ERF: variants seen among roughly 807,000 people sequenced by gnomAD.
The protein encoded by ERF is ETS domain-containing transcription factor ERF.
In ERF, 10 loss-of-function variants were observed where a neutral mutation model predicts 41.6. That is an observed-to-expected ratio of 0.24 (90% CI 0.15 to 0.41). The LOEUF is 0.41. Ranked by LOEUF, ERF falls within the 10% of genes least tolerant of loss-of-function variation. The pLI is 1.00. For missense variants in ERF, 621 were observed against 763.2 expected, an observed-to-expected ratio of 0.81 and a Z score of 2.19; for synonymous variants, 395 against 342.4, an observed-to-expected ratio of 1.15 and a Z score of -1.70.
chr19:42,249,266 C>T lies in ERF; in HGVS notation c.846G>A (p.Thr282=), dbSNP rs763135472. The change falls in exon 4 of 4, where the codon ACG becomes ACA. Residue 282 remains threonine (T), a synonymous_variant. Coordinates refer to ENST00000222329, the MANE Select transcript of ERF (RefSeq NM_006494.4). This position sits in a 1 kb window ranked among gnomAD's most constrained non-coding sequence, Gnocchi z 8.6. The part of the protein sequence containing the change: ...PTHLAYTPSP[T]LSPMYPSGGG... Reference sequence around the variant, plus strand: ...CACCACTGGGGTACATCGGGCTCAGCGTGGGCGAGGGAGTGTAGGCCAGGT... The same window carrying T: ...CACCACTGGGGTACATCGGGCTCAGTGTGGGCGAGGGAGTGTAGGCCAGGT... The T allele has an allele frequency of 1.6e-5, 26 of 1,609,596 alleles. No homozygotes were observed. Among genetic ancestry groups the T allele is most frequent in the East Asian group, 2.2e-5 (1 of 44,748 alleles).
chr19:42,254,627 G>C, intron 1 of ERF: 2 of 200,650 alleles, frequency 1.0e-5, no homozygotes, highest in Non-Finnish European at 2.0e-5. Flanking sequence ...GAGCCCCCCC[G>C]CCCCGCACAC....
At position 42,249,113 on chromosome 19, in the gene ERF, G is replaced by A; in HGVS notation, c.999C>T (p.His333=). Residue 333 remains histidine, a synonymous_variant, in exon 4 of 4, where the codon CAC becomes CAT. Coordinates refer to ENST00000222329, the MANE Select transcript of ERF (RefSeq NM_006494.4). This position sits in a 1 kb window ranked among gnomAD's most constrained non-coding sequence, Gnocchi z 8.6. ...GCTGGGGCACCACCAGCCCAGGGTA[G>A]TGCAGGAAGGCGCGGGGGCTGAGGT... The part of the protein sequence containing the change: ...NYHLSPRAFL[H]YPGLVVPQPQ... 1 of 1,613,876 alleles carries A rather than the reference G, an allele frequency of 6.2e-7. No individual in the cohort carries two copies. The highest frequency in any genetic ancestry group is 8.5e-7 in the Non-Finnish European group (1 of 1,179,912).
intron 1 of ERF, among the ~76,000 whole-genome samples, chr19:42,254,056 G>A (rs1223885595): frequency 6.6e-6 from 1 of 151,342 alleles, no homozygotes; most frequent in Non-Finnish European, 1.5e-5. Flanking sequence ...CGGCGGGGGA[G>A]GGGAGGGGGA....
Position 42,249,234 on chromosome 19 carries a change from C to T in ERF, c.878G>A (p.Gly293Glu), listed in dbSNP as rs1276170578. Residue 293 changes from glycine (G) to glutamate (E), a missense_variant, in exon 4 of 4, where the codon GGG becomes GAG. Physicochemically the swap from Gly to Glu is moderately conservative, Grantham distance 98. Around this residue, in one of 3 missense-constraint regions of ERF, gnomAD observed 569 missense variants for 625.5 expected, o/e 0.91. Transcript: ENST00000222329. The surrounding 1 kb of genome is among the most constrained non-coding windows in gnomAD (Gnocchi z 8.6). Reference sequence around the variant, plus strand: ...GGAGCCTCCCCCTGAGCCGCTGGGCCCCCCGCCACCACTGGGGTACATCGG... The same window carrying T: ...GGAGCCTCCCCCTGAGCCGCTGGGCTCCCCGCCACCACTGGGGTACATCGG... ...LSPMYPSGGG[G>E]PSGSGGGSHF... is the part of the protein sequence containing the mutation. 1 of 1,613,048 alleles carries T rather than the reference C, an allele frequency of 6.2e-7. No homozygotes were observed. Among genetic ancestry groups the T allele is most frequent in the African/African-American group, 1.3e-5 (1 of 74,902 alleles).
intron 1 of ERF, among the ~76,000 whole-genome samples, chr19:42,253,017 G>C (rs958825580): frequency 2.0e-5 from 3 of 152,194 alleles, no homozygotes; most frequent in African/African-American, 7.2e-5. Context: ...CAGACAGCAA[G>C]GGCTGGGATG....
chr19:42,250,245 C>T lies in ERF; in HGVS notation c.257+86G>A. The T allele has an allele frequency of 1.3e-6, 2 of 1,486,362 alleles. No individual in the cohort carries two copies. Among genetic ancestry groups the T allele is most frequent in the Non-Finnish European group, 1.8e-6 (2 of 1,087,746 alleles). The allele number at this position is 1,486,362 out of a possible 1,614,324, so 92.1% of individuals were successfully genotyped here. A position where few individuals can be genotyped will look rare whatever the true frequency, so the allele number is the denominator to read the frequency against. The stretch of plus-strand genomic sequence containing the variant: ...GGATTTGGCAAAGCCAGGGGTCAGA[C>T]CCAATGCTTGTTCCCACAGGCAAGG... On this transcript the variant is annotated intron_variant, in intron 2 of 3. Coordinates refer to ENST00000222329, the MANE Select transcript of ERF (RefSeq NM_006494.4). The surrounding 1 kb of genome is among the most constrained non-coding windows in gnomAD (Gnocchi z 5.1).
Position 42,248,288 on chromosome 19 carries a change from C to T in ERF, c.*177G>A, listed in dbSNP as rs1485275354. On this transcript the variant is annotated 3_prime_UTR_variant, in exon 4 of 4. Transcript: ENST00000222329. The surrounding 1 kb of genome is among the most constrained non-coding windows in gnomAD (Gnocchi z 4.2). ...ATAGCCCCTAGCCCTGGGCACCCAC[C>T]CACCCCCACCATTTTTAAAAAAAAG... 6.7e-6 allele frequency: 3 copies of T among 449,802 alleles called. No individual in the cohort carries two copies. The highest frequency in any genetic ancestry group is 6.8e-6 in the Non-Finnish European group (2 of 293,364). The allele number at this position is 449,802 out of a possible 1,614,324, so 27.9% of individuals were successfully genotyped here. A position where few individuals can be genotyped will look rare whatever the true frequency, so the allele number is the denominator to read the frequency against.
Position 42,249,876 on chromosome 19 carries a change from G to A in ERF, c.324C>T (p.Phe108=). 1 of 1,614,160 alleles carries A rather than the reference G, an allele frequency of 6.2e-7. No homozygotes were observed. The change falls in exon 3 of 4, where the codon TTC becomes TTT. Residue 108 remains phenylalanine (F), a synonymous_variant. Transcript: ENST00000222329. The surrounding 1 kb of genome is among the most constrained non-coding windows in gnomAD (Gnocchi z 8.6). ...GGTAATTGACCAGCACCAGTTTGTT[G>A]AAATTGAACTTGTAGGTGAACCGTT... ...KGKRFTYKFN[F]NKLVLVNYPF...
In ERF at chr19:42,255,120, G is replaced by A. The variant is rs1599830674; in HGVS notation, c.-121C>T. 1.1e-6 allele frequency: 1 copy of A among 871,024 alleles called. No individual in the cohort carries two copies. The highest frequency in any genetic ancestry group is 4.1e-4 in the Middle Eastern group (1 of 2,468). 54.0% of individuals were successfully genotyped at this position (871,024 alleles called of 1,614,324 possible). A position where few individuals can be genotyped will look rare whatever the true frequency, so the allele number is the denominator to read the frequency against. The stretch of plus-strand genomic sequence containing the variant: ...CCGCCTCACCCGGCCTCGCCTCTCA[G>A]AGCCTCTCCCCTCCCCGCCGCCGCC... On this transcript the variant is annotated 5_prime_UTR_variant, in exon 1 of 4. Transcript: ENST00000222329.
rs767793643 is a variant in ERF, at chr19:42,249,796, C to T, written c.373+31G>A. On this transcript the variant is annotated intron_variant, in intron 3 of 3. Transcript: ENST00000222329. The surrounding 1 kb of genome is among the most constrained non-coding windows in gnomAD (Gnocchi z 8.6). Reference sequence around the variant, plus strand: ...GCCTAGCCTGAAGGGGCATGTAGACCCTCTCCACACCAACCATCCCTGGTA... The same window carrying T: ...GCCTAGCCTGAAGGGGCATGTAGACTCTCTCCACACCAACCATCCCTGGTA... 1 of 1,614,044 alleles carries T rather than the reference C, an allele frequency of 6.2e-7. No individual in the cohort carries two copies. Among genetic ancestry groups the T allele is most frequent in the Admixed American group, 1.7e-5 (1 of 60,016 alleles).
In ERF at chr19:42,248,996, G is replaced by GGAA. The variant is rs199960550; in HGVS notation, c.1113_1115dup (p.Ser373dup). ...GCTGGAGCTTAAACTTGAATGGGGA[G>GGAA]GAAGAAGAAGAAGAGGATGACGAGG... On this transcript the variant is annotated inframe_insertion, in exon 4 of 4. Transcript: ENST00000222329. The surrounding 1 kb of genome is among the most constrained non-coding windows in gnomAD (Gnocchi z 4.2). 5 of 1,609,158 alleles carry GGAA rather than the reference G, an allele frequency of 3.1e-6. No individual in the cohort carries two copies. Among genetic ancestry groups the GGAA allele is most frequent in the Non-Finnish European group, 4.2e-6 (5 of 1,179,296 alleles).
chr19:42,251,314 C>T, intron 1 of ERF: 2 of 986,208 alleles, frequency 2.0e-6, no homozygotes, highest in Non-Finnish European at 2.4e-6. Flanking sequence ...CTGGAGCTGT[C>T]ACCCTCTTCC....
chr19:42,249,304 T>C lies in ERF; in HGVS notation c.808A>G (p.Met270Val). Residue 270 changes from methionine to valine, a missense_variant, in exon 4 of 4, where the codon ATG becomes GTG. Met to Val is a conservative substitution (Grantham distance 21, BLOSUM62 1). Coordinates refer to ENST00000222329, the MANE Select transcript of ERF (RefSeq NM_006494.4). The surrounding 1 kb of genome is among the most constrained non-coding windows in gnomAD (Gnocchi z 8.6). ...GTGTAGGCCAGGTGGGTGGGCGTCATGGGCAGAGCCGGGGAGAGCTGAGGG... is the reference window on the plus strand; with the variant it reads ...GTGTAGGCCAGGTGGGTGGGCGTCACGGGCAGAGCCGGGGAGAGCTGAGGG... ...LPPQLSPALP[M>V]TPTHLAYTPS... 2.5e-6 allele frequency: 4 copies of C among 1,597,380 alleles called. No homozygotes were observed. The highest frequency in any genetic ancestry group is 1.1e-5 in the South Asian group (1 of 89,708).
At position 42,248,544 on chromosome 19, in the gene ERF, C is replaced by T. The variant is rs749047048; in HGVS notation, c.1568G>A (p.Gly523Glu). ...GCTCACCCGCCTTGGGGTGAGGGGC[C>T]CCCCAGCCTCCCCAGGCCCCTCCCC... is the stretch of plus-strand genomic sequence containing the variant. ...VRGEGPGEAG[G>E]PLTPRRVSSD... Residue 523 changes from glycine to glutamate, a missense_variant, in exon 4 of 4, where the codon GGG (glycine) becomes GAG (glutamate). Gly to Glu is a moderately conservative substitution (Grantham distance 98, BLOSUM62 -2). This residue lies in a region of ERF where 569 missense variants were observed against 625.5 expected (regional missense o/e 0.91). Transcript: ENST00000222329. This position sits in a 1 kb window ranked among gnomAD's most constrained non-coding sequence, Gnocchi z 4.2. 1.9e-6 allele frequency: 3 copies of T among 1,551,148 alleles called. No individual in the cohort carries two copies. The highest frequency in any genetic ancestry group is 4.5e-5 in the East Asian group (2 of 44,282).
intron 1 of ERF, chr19:42,253,767 GGGGGAT>G (rs1471237332): frequency 3.0e-6 from 2 of 676,664 alleles, no homozygotes; most frequent in Admixed American, 6.4e-5. Flanking sequence ...CCGCCGAGCA[GGGGGAT>G]GGGGATGGGA....
Position 42,248,822 on chromosome 19 carries a change from G to A in ERF, c.1290C>T (p.Ile430=). 1 of 1,613,172 alleles carries A rather than the reference G, an allele frequency of 6.2e-7. No individual in the cohort carries two copies. The highest frequency in any genetic ancestry group is 8.5e-7 in the Non-Finnish European group (1 of 1,179,874). The change falls in exon 4 of 4, where the codon ATC becomes ATT. Residue 430 remains isoleucine (I), a synonymous_variant. Transcript: ENST00000222329. This position sits in a 1 kb window ranked among gnomAD's most constrained non-coding sequence, Gnocchi z 4.2. ...PPPPQIKVEP[I]SEGESEEVEV... is the part of the protein sequence containing the mutation. Reference sequence around the variant, plus strand: ...CTACCTCCTCCGACTCGCCTTCCGAGATGGGCTCCACCTTGATCTGTGGTG... The same window carrying A: ...CTACCTCCTCCGACTCGCCTTCCGAAATGGGCTCCACCTTGATCTGTGGTG...
At chr19:42,254,027 G>C in intron 1 of ERF, 1 of 732,168 alleles carries the variant, frequency 1.4e-6, no homozygotes, top group Non-Finnish European at 1.7e-6. Flanking sequence ...GCAAAGTCCA[G>C]CCCGCGCGAG....
At position 42,247,773 on chromosome 19, in the gene ERF, TC is replaced by T. The variant is rs1324783330; in HGVS notation, c.*691del. ...CCCCACCCGCCTGCCCATGGGCCAG[TC>T]CTAGGAGCAGCTGGGGATGAAGGGG... On this transcript the variant is annotated 3_prime_UTR_variant, in exon 4 of 4. Coordinates refer to ENST00000222329, the MANE Select transcript of ERF (RefSeq NM_006494.4). The T allele has an allele frequency of 6.7e-6, 1 of 148,672 alleles. No homozygotes were observed. Among genetic ancestry groups the T allele is most frequent in the East Asian group, 2.0e-4 (1 of 4,980 alleles). 9.2% of individuals were successfully genotyped at this position (148,672 alleles called of 1,614,324 possible). A position where few individuals can be genotyped will look rare whatever the true frequency, so the allele number is the denominator to read the frequency against.
At chr19:42,253,213 C>T (rs1214915235) in intron 1 of ERF, among the ~76,000 whole-genome samples, 1 of 152,154 alleles carries the variant, frequency 6.6e-6, no homozygotes, top group African/African-American at 2.4e-5. Context: ...ACACGCCGGC[C>T]TCCTGGGGGG....
Sources: allele counts gnomAD v4.1 joint callset (sites outside exome capture counted in the v4.1 genomes callset), GRCh38; gene constraint gnomAD v4.1.1; regional missense constraint gnomAD v4.1.1; non-coding constraint Gnocchi (gnomAD v3.1); transcripts MANE v1.5; gene names NCBI Gene and HGNC (gene_info 2026-07-23, HGNC 2026-07-21).